Variants in SYNGR4 observed in about 807,000 individuals in gnomAD.
The protein encoded by SYNGR4 is synaptogyrin-4.
Under a neutral mutation model 15.5 loss-of-function variants are expected in SYNGR4, and 15 were observed. The observed-to-expected ratio is 0.97, with a 90% CI of 0.65 to 1.49. The LOEUF (loss-of-function observed/expected upper bound fraction) is 1.49, where lower values mean the gene tolerates loss of function less well. Ranked by LOEUF, SYNGR4 falls within the 40% of genes most tolerant of loss-of-function variation. The probability of loss-of-function intolerance (pLI) is 0.00; values close to 1 mark genes in which losing one functional copy is unlikely to be tolerated. For synonymous variants in SYNGR4, 121 were observed against 127.4 expected (o/e 0.95, Z 0.34); for missense variants, 292 against 299.3 (o/e 0.98, Z 0.18).
chr19:48,369,034 A>T (rs545745381), intron 2 of SYNGR4, among the ~76,000 whole-genome samples: 40 of 152,230 alleles, frequency 2.6e-4, no homozygotes, highest in African/African-American at 9.1e-4. Flanking sequence ...GCTGGTGTGG[A>T]CTGGTGCGGG....
chr19:48,369,731 G>A (rs565912205), intron 2 of SYNGR4, among the ~76,000 whole-genome samples: 40 of 152,274 alleles, frequency 2.6e-4, no homozygotes, highest in African/African-American at 8.4e-4. Flanking sequence ...ACGTGGGGCC[G>A]GTGTGAGGTT....
chr19:48,370,482 C>T (rs1970287378), intron 2 of SYNGR4, among the ~76,000 whole-genome samples: 1 of 151,334 alleles, frequency 6.6e-6, no homozygotes. Flanking sequence ...GACACTGTCT[C>T]AAAAAAAGAA....
intron 1 of SYNGR4, among the ~76,000 whole-genome samples, chr19:48,365,094 T>C (rs1302910039): frequency 1.6e-5 from 2 of 128,396 alleles, no homozygotes; most frequent in Admixed American, 1.6e-4. Flanking sequence ...ATAGACCCCC[T>C]TAACCCACAC....
chr19:48,366,451 G>A (rs1970223132), intron 2 of SYNGR4, among the ~76,000 whole-genome samples: 2 of 151,528 alleles, frequency 1.3e-5, no homozygotes, highest in Non-Finnish European at 2.9e-5. Flanking sequence ...CCAGGCTGGA[G>A]TGCAAAAAGC....
In SYNGR4 at chr19:48,373,755, G is replaced by T. The variant is rs142464152; in HGVS notation, c.331+1G>T. ...CAGCTCCTGGACTTCATCCTGGCTG[G>T]TGAGCCCCCAGGACCCCCAACCCAG... On this transcript the variant is annotated splice_donor_variant, in intron 3 of 4. Coordinates refer to ENST00000344846, the MANE Select transcript of SYNGR4 (RefSeq NM_012451.4). LOFTEE classifies it high-confidence loss of function. 1.5e-4 allele frequency: 244 copies of T among 1,613,362 alleles called. No individual in the cohort carries two copies. Among genetic ancestry groups the T allele is most frequent in the Non-Finnish European group, 1.9e-4 (230 of 1,179,822 alleles).
In SYNGR4 at chr19:48,373,634, G is replaced by A. The variant is rs765525552; in HGVS notation, c.211G>A (p.Gly71Arg). Reference protein sequence around the residue: ...SNSVACSFAVGAGFLAFLSCL... With the variant: ...SNSVACSFAVRAGFLAFLSCL... Reference sequence around the variant, plus strand: ...CAGCGTGGCCTGCAGCTTTGCCGTGGGAGCCGGCTTCCTGGCCTTCCTCAG... The same window carrying A: ...CAGCGTGGCCTGCAGCTTTGCCGTGAGAGCCGGCTTCCTGGCCTTCCTCAG... The change falls in exon 3 of 5, where the codon GGA becomes AGA. Residue 71 changes from glycine (G) to arginine (R), a missense_variant. Gly to Arg is a moderately radical substitution (Grantham distance 125). Coordinates refer to ENST00000344846, the MANE Select transcript of SYNGR4 (RefSeq NM_012451.4). The A allele has an allele frequency of 6.2e-7, 1 of 1,613,844 alleles. No homozygotes were observed. Among genetic ancestry groups the A allele is most frequent in the East Asian group, 2.2e-5 (1 of 44,888 alleles).
intron 1 of SYNGR4, 102 bp downstream of exon 1, chr19:48,364,639 AT>A (rs941580416): frequency 6.6e-6 from 1 of 152,184 alleles, no homozygotes; most frequent in Non-Finnish European, 1.5e-5. Context: ...ATGGAGCTGA[AT>A]TCGAAAGGGA....
chr19:48,376,327 A>T lies in SYNGR4; in HGVS notation c.*9A>T. The T allele has an allele frequency of 6.2e-7, 1 of 1,611,906 alleles. No individual in the cohort carries two copies. The highest frequency in any genetic ancestry group is 2.2e-5 in the East Asian group (1 of 44,830). Reference sequence around the variant, plus strand: ...TGATGCCTGACAACTAAATATCCTTATCCAAATCAATAAAGAGAGAATCCT... The same window carrying T: ...TGATGCCTGACAACTAAATATCCTTTTCCAAATCAATAAAGAGAGAATCCT... On this transcript the variant is annotated 3_prime_UTR_variant, in exon 5 of 5. Coordinates refer to ENST00000344846, the MANE Select transcript of SYNGR4 (RefSeq NM_012451.4).
intron 2 of SYNGR4, among the ~76,000 whole-genome samples, chr19:48,366,631 C>A (rs1207867858): frequency 1.3e-5 from 2 of 151,692 alleles, no homozygotes; most frequent in Non-Finnish European, 2.9e-5. Context: ...GCCTCAAACT[C>A]CTGACGTCAA....
intron 2 of SYNGR4, 179 bp from the exon 3 acceptor site, chr19:48,373,338 T>A: frequency 1.6e-6 from 1 of 625,376 alleles, no homozygotes; most frequent in Non-Finnish European, 2.8e-6. Flanking sequence ...TGAGCCAGGA[T>A]GGAGCAGAGG....
chr19:48,366,554 C>T (rs780699058), intron 2 of SYNGR4, among the ~76,000 whole-genome samples: 34 of 151,896 alleles, frequency 2.2e-4, no homozygotes, highest in Non-Finnish European at 4.6e-4. Flanking sequence ...TACAGGTGTG[C>T]GCCACTGCGC....
chr19:48,366,960 C>T (rs1320749167), intron 2 of SYNGR4, among the ~76,000 whole-genome samples: 3 of 151,748 alleles, frequency 2.0e-5, no homozygotes, highest in African/African-American at 7.3e-5. Flanking sequence ...TCGAGACCAG[C>T]CTGGCCAACA....
At chr19:48,375,032 T>C (rs1970379825) in intron 3 of SYNGR4, among the ~76,000 whole-genome samples, 1 of 150,408 alleles carries the variant, frequency 6.6e-6, no homozygotes, top group East Asian at 2.0e-4. Flanking sequence ...AACATTTTTT[T>C]TTTTTTTTTT....
chr19:48,371,956 T>C (rs976752799), intron 2 of SYNGR4, among the ~76,000 whole-genome samples: 26 of 149,622 alleles, frequency 1.7e-4, no homozygotes, highest in African/African-American at 6.7e-4. Flanking sequence ...CATGGCTCAC[T>C]GCAGCCTCAA....
Position 48,376,330 on chromosome 19 carries a change from C to T in SYNGR4, c.*12C>T. On this transcript the variant is annotated 3_prime_UTR_variant, in exon 5 of 5. Transcript: ENST00000344846. ...TGCCTGACAACTAAATATCCTTATCCAAATCAATAAAGAGAGAATCCTCCC... is the reference window on the plus strand; with the variant it reads ...TGCCTGACAACTAAATATCCTTATCTAAATCAATAAAGAGAGAATCCTCCC... 4 of 1,612,172 alleles carry T rather than the reference C, an allele frequency of 2.5e-6. No homozygotes were observed. The highest frequency in any genetic ancestry group is 3.4e-6 in the Non-Finnish European group (4 of 1,179,462).
At chr19:48,366,054 A>T in intron 2 of SYNGR4, 119 bp downstream of exon 2, 1 of 1,050,494 alleles carries the variant, frequency 9.5e-7, no homozygotes. Flanking sequence ...GAAACAAGAC[A>T]ACGGAGCAAA....
At chr19:48,365,661 CCCAATCCTGGGGCCCCCAACAG>C in intron 1 of SYNGR4, 53 bp from the exon 2 acceptor site, 1 of 454,438 alleles carries the variant, frequency 2.2e-6, no homozygotes, top group Non-Finnish European at 4.1e-6. Flanking sequence ...CCCCATGTCC[CCCAATCCTGGGGCCCCCAACAG>C]CCCTTCCACC....
rs1600939779 is a variant in SYNGR4, at chr19:48,366,082, C to A, written c.93+147C>A. ...GGAGCAAATGCTGACACCACCTTTT[C>A]CTGAGCACCCCACTATAGGCCCTAT... On this transcript the variant is annotated intron_variant, in intron 2 of 4. Transcript: ENST00000344846. 5.2e-6 allele frequency: 4 copies of A among 763,084 alleles called. No individual in the cohort carries two copies. In the East Asian group the frequency reaches 1.1e-4, roughly 21 times the overall value. 47.3% of individuals were successfully genotyped at this position (763,084 alleles called of 1,614,324 possible).
At chr19:48,365,653 CCATGT>C in intron 1 of SYNGR4, 78 bp from the exon 2 acceptor site, 1 of 349,828 alleles carries the variant, frequency 2.9e-6, no homozygotes, top group Non-Finnish European at 5.5e-6. Context: ...CATCCCCACC[CCATGT>C]CCCCCAATCC....
Sources: gnomAD v4.1 joint callset for allele counts (sites outside exome capture counted in the v4.1 genomes callset) on GRCh38, gnomAD v4.1.1 for gene constraint, MANE v1.5 for transcripts, NCBI Gene and HGNC (gene_info 2026-07-23, HGNC 2026-07-21) for gene names.